The following VPS13B variants were observed in gnomAD, a reference collection of about 807,000 sequenced individuals.
The protein encoded by VPS13B is intermembrane lipid transfer protein VPS13B.
In VPS13B, 285 loss-of-function variants were observed where a neutral mutation model predicts 426.4. The observed-to-expected ratio is 0.67, with a 90% confidence interval of 0.61 to 0.74. The LOEUF is 0.74. VPS13B is among the 30% of genes least tolerant of loss of function. The probability of loss-of-function intolerance (pLI) is 0.00; values close to 1 mark genes in which losing one functional copy is unlikely to be tolerated. For synonymous variants in VPS13B, 1,676 were observed against 1,676.4 expected (o/e 1.00, Z 0.01); for missense variants, 4,537 against 4,782.6 (o/e 0.95, Z 1.51).
Position 99,875,751 on chromosome 8 carries a change from G to A in VPS13B, c.*85G>A. 1 of 1,574,362 alleles carries A rather than the reference G, an allele frequency of 6.4e-7. No individual in the cohort carries two copies. The highest frequency in any genetic ancestry group is 8.7e-7 in the Non-Finnish European group (1 of 1,151,118). On this transcript the variant is annotated 3_prime_UTR_variant, in exon 62 of 62. Transcript: ENST00000357162. The stretch of plus-strand genomic sequence containing the variant: ...AGGGTCTCACTGCATTGCCCTTGCT[G>A]ACCTCAAATTCTGGGGTTCAAGCAA...
chr8:99,117,184 G>T (rs912819954), intron 7 of VPS13B, among the ~76,000 whole-genome samples: 2 of 152,060 alleles, frequency 1.3e-5, no homozygotes, highest in Admixed American at 1.3e-4. Flanking sequence ...AATGGGCAAA[G>T]AGACATTTCT....
At chr8:99,171,262 T>C (rs1306450091) in intron 16 of VPS13B, among the ~76,000 whole-genome samples, 1 of 151,960 alleles carries the variant, frequency 6.6e-6, no homozygotes, top group African/African-American at 2.4e-5. Context: ...TTTATTAGCA[T>C]ACATGGTATG....
chr8:99,801,496 C>A lies in VPS13B; in HGVS notation c.7942-7879C>A, dbSNP rs534747781. Among the ~76,000 whole-genome samples, 54 of 152,178 alleles carry A rather than the reference C, an allele frequency of 3.5e-4. 1 individual carries two copies. Among genetic ancestry groups the A allele is most frequent in the Non-Finnish European group, 7.5e-4 (51 of 68,036 alleles). ...CACAAATTTTGTGCAGAAAGAACTA[C>A]TCCCTCCCTGGTTGTCACATGACAG... On this transcript the variant is annotated intron_variant, in intron 43 of 61. Transcript: ENST00000357162.
At chr8:99,652,408 T>A (rs887039614) in intron 34 of VPS13B, among the ~76,000 whole-genome samples, 105 of 152,302 alleles carry the variant, frequency 6.9e-4, no homozygotes, top group African/African-American at 2.4e-3. Flanking sequence ...TGACTATTAA[T>A]AAATATTGTT....
chr8:99,208,999 G>T (rs1001116207), intron 17 of VPS13B, among the ~76,000 whole-genome samples: 2 of 152,044 alleles, frequency 1.3e-5, no homozygotes, highest in African/African-American at 4.8e-5. Context: ...GAAATAATGC[G>T]ACTGGGCAGG....
At chr8:99,856,900 G>C (rs1816577294) in intron 56 of VPS13B, among the ~76,000 whole-genome samples, 1 of 152,096 alleles carries the variant, frequency 6.6e-6, no homozygotes. Flanking sequence ...ATGGGTGGGA[G>C]AGGCAGAATA....
intron 43 of VPS13B, among the ~76,000 whole-genome samples, chr8:99,795,178 A>G (rs968404814): frequency 1.3e-5 from 2 of 152,206 alleles, no homozygotes; most frequent in African/African-American, 4.8e-5. Context: ...AGGCACTTCA[A>G]CACTGCCTGG....
chr8:99,265,864 T>A (rs1818266970), intron 17 of VPS13B, among the ~76,000 whole-genome samples: 1 of 152,202 alleles, frequency 6.6e-6, no homozygotes, highest in Non-Finnish European at 1.5e-5. Flanking sequence ...TCATCAGATA[T>A]CCATCTTTCA....
intron 24 of VPS13B, among the ~76,000 whole-genome samples, chr8:99,471,604 C>G (rs1376419541): frequency 5.3e-5 from 8 of 151,882 alleles, no homozygotes; most frequent in Non-Finnish European, 8.8e-5. Context: ...GAAAAAGTAA[C>G]AAAGGAACAA....
intron 54 of VPS13B, among the ~76,000 whole-genome samples, chr8:99,846,266 C>T (rs945740859): frequency 5.3e-5 from 8 of 152,186 alleles, no homozygotes; most frequent in African/African-American, 1.9e-4. Context: ...ATTTTATACA[C>T]CTGTGGTCTG....
intron 44 of VPS13B, among the ~76,000 whole-genome samples, chr8:99,810,929 C>T (rs79454612): frequency 0.014 from 2,112 of 152,240 alleles, 22 homozygotes; most frequent in Middle Eastern, 0.041. Context: ...CTGCAGGGAC[C>T]GGCCTACTAG....
At position 99,397,908 on chromosome 8, in the gene VPS13B, A is replaced by G. The variant is rs142813221; in HGVS notation, c.3082+6204A>G. Among the ~76,000 whole-genome samples, 1,025 of 152,314 alleles carry G rather than the reference A, an allele frequency of 6.7e-3. 9 individuals are homozygous for G. The highest frequency in any genetic ancestry group is 0.023 in the African/African-American group (961 of 41,566). ...GCATAAGAGGTCTTGCAAATGTAGT[A>G]TGTAATCTTTAAGGCCATGTACCTG... On this transcript the variant is annotated intron_variant, in intron 21 of 61. Coordinates refer to ENST00000357162, the MANE Select transcript of VPS13B (RefSeq NM_152564.5).
intron 19 of VPS13B, chr8:99,341,366 T>C (rs933855426): frequency 6.1e-6 from 1 of 163,962 alleles, no homozygotes; most frequent in Non-Finnish European, 1.4e-5. Flanking sequence ...TAATATTCTT[T>C]CTTCCATTTC....
chr8:99,044,441 T>A (rs1184016664), intron 3 of VPS13B, among the ~76,000 whole-genome samples: 1 of 151,928 alleles, frequency 6.6e-6, no homozygotes, highest in Non-Finnish European at 1.5e-5. Context: ...TTTTTTTAAT[T>A]GAAACGAAAT....
chr8:99,067,586 T>C (rs1844604258), intron 3 of VPS13B, among the ~76,000 whole-genome samples: 2 of 152,232 alleles, frequency 1.3e-5, no homozygotes, highest in South Asian at 4.1e-4. Context: ...GGCACATGTA[T>C]ACCTACGTAA....
chr8:99,663,335 G>C (rs1378796795), intron 35 of VPS13B, among the ~76,000 whole-genome samples: 1 of 152,146 alleles, frequency 6.6e-6, no homozygotes, highest in Non-Finnish European at 1.5e-5. Flanking sequence ...TAAAGGTGTA[G>C]AAGTATGAAG....
rs1304992485 is a variant in VPS13B, at chr8:99,135,615, G to T, written c.1445G>T (p.Cys482Phe). 3 of 1,613,122 alleles carry T rather than the reference G, an allele frequency of 1.9e-6. No homozygotes were observed. Among genetic ancestry groups the T allele is most frequent in the Non-Finnish European group, 1.7e-6 (2 of 1,179,408 alleles). ...TTTCAGGAAGCCTGTTTCTTCATTT[G>T]TGGTGACAATTTGAGTACGAAAGGT... ...RSETEACFFICGDNLSTKGFT... is the reference protein window; with the variant it reads ...RSETEACFFIFGDNLSTKGFT... Residue 482 changes from cysteine (C) to phenylalanine (F), a missense_variant, in exon 11 of 62, where the codon TGT (cysteine) becomes TTT (phenylalanine). Around this residue, in one of 2 missense-constraint regions of VPS13B, gnomAD observed 4,311 missense variants for 4,474.3 expected, o/e 0.96. Coordinates refer to ENST00000357162, the MANE Select transcript of VPS13B (RefSeq NM_152564.5).
rs1809949261 is a variant in VPS13B, at chr8:99,134,179, A to G, written c.1207-453A>G. 2.6e-5 allele frequency among the ~76,000 whole-genome samples: 4 copies of G among 152,314 alleles called. No individual in the cohort carries two copies. The South Asian group carries it at 8.3e-4, about 32-fold the overall frequency. On this transcript the variant is annotated intron_variant, in intron 8 of 61. Transcript: ENST00000357162. ...TCTATTTCCTTCATAGGAACTAGAAAGAGCCTGTTTTATCTTTTTGCATTT... is the reference window on the plus strand; with the variant it reads ...TCTATTTCCTTCATAGGAACTAGAAGGAGCCTGTTTTATCTTTTTGCATTT...
chr8:99,852,468 A>T (rs13273257), intron 55 of VPS13B, among the ~76,000 whole-genome samples: 9 of 152,156 alleles, frequency 5.9e-5, no homozygotes, highest in African/African-American at 2.2e-4. Flanking sequence ...AGGAAGAGGG[A>T]TCTGCATAAA....
Sources: gnomAD v4.1 joint callset for allele counts (sites outside exome capture counted in the v4.1 genomes callset) on GRCh38, gnomAD v4.1.1 for gene constraint, gnomAD v4.1.1 regional missense constraint, MANE v1.5 for transcripts, NCBI Gene and HGNC (gene_info 2026-07-23, HGNC 2026-07-21) for gene names.